Variants in SLC39A10 observed in about 807,000 individuals in gnomAD.
The protein encoded by SLC39A10 is solute carrier family 39 member 10.
SLC39A10 carries 13 observed loss-of-function variants against 65.1 expected under a neutral mutation model. The ratio of observed to expected loss-of-function variants is 0.20; its 90% CI spans 0.13 to 0.32. SLC39A10 has a LOEUF of 0.32. SLC39A10 is among the 10% of genes least tolerant of loss of function. SLC39A10 has a pLI of 1.00. For synonymous variants in SLC39A10, 321 were observed against 342.2 expected (o/e 0.94, Z 0.68); for missense variants, 831 against 1,018.4 (o/e 0.82, Z 2.50).
In SLC39A10 at chr2:195,737,365, T is replaced by TCA. The variant is rs1553509558; in HGVS notation, c.*2324_*2325insCA. On this transcript the variant is annotated 3_prime_UTR_variant, in exon 10 of 10. Coordinates refer to ENST00000359634, the MANE Select transcript of SLC39A10 (RefSeq NM_020342.3). ...TGACATCCATATGAATTTTGGTATATATCAATCAATCAATCAATCACATTG... is the reference window on the plus strand; with the variant it reads ...TGACATCCATATGAATTTTGGTATATCAATCAATCAATCAATCAATCACATTG... 74 of 152,532 alleles carry TCA rather than the reference T, an allele frequency of 4.9e-4. No individual in the cohort carries two copies. The highest frequency in any genetic ancestry group is 8.5e-4 in the Non-Finnish European group (58 of 68,530). 9.4% of individuals were successfully genotyped at this position (152,532 alleles called of 1,614,324 possible).
intron 3 of SLC39A10, among the ~76,000 whole-genome samples, chr2:195,690,031 G>A (rs559635909): frequency 6.6e-6 from 1 of 151,994 alleles, no homozygotes; most frequent in African/African-American, 2.4e-5. Context: ...ACAAAAATTA[G>A]CTGGATGTGG....
At chr2:195,622,206 A>T (rs1688362356) in intron 2 of SLC39A10, among the ~76,000 whole-genome samples, 1 of 152,050 alleles carries the variant, frequency 6.6e-6, no homozygotes, top group African/African-American at 2.4e-5. Context: ...TCTCTACAAA[A>T]AATACAAAAA....
At chr2:195,663,474 T>C (rs1438997638) in intron 1 of SLC39A10, among the ~76,000 whole-genome samples, 1 of 151,778 alleles carries the variant, frequency 6.6e-6, no homozygotes, top group African/African-American at 2.4e-5. Context: ...GTTACTACAT[T>C]ATAAAATGAG....
Position 195,728,293 on chromosome 2 carries a change from C to G in SLC39A10, c.2281C>G (p.Leu761Val). 1 of 1,614,034 alleles carries G rather than the reference C, an allele frequency of 6.2e-7. No homozygotes were observed. Among genetic ancestry groups the G allele is most frequent in the Non-Finnish European group, 8.5e-7 (1 of 1,179,914 alleles). ...TGGTCAGTATGCCAATAACATCACA[C>G]TTTGGATCTTTGCAGTCACTGCAGG... ...AVGQYANNITLWIFAVTAGMF... is the reference protein window; with the variant it reads ...AVGQYANNITVWIFAVTAGMF... The change falls in exon 9 of 10, where the codon CTT (leucine) becomes GTT (valine). Residue 761 changes from leucine to valine, a missense_variant. By Grantham distance (32) the Leu-to-Val change is conservative. Coordinates refer to ENST00000359634, the MANE Select transcript of SLC39A10 (RefSeq NM_020342.3). The surrounding 1 kb of genome is among the most constrained non-coding windows in gnomAD (Gnocchi z 4.4).
intron 1 of SLC39A10, among the ~76,000 whole-genome samples, chr2:195,658,938 CAG>C (rs1317177763): frequency 2.6e-5 from 4 of 152,160 alleles, no homozygotes; most frequent in Non-Finnish European, 5.9e-5. Context: ...AGAATTGCAA[CAG>C]AAACCAGTTA....
At chr2:195,691,362 T>C (rs889182695) in intron 3 of SLC39A10, among the ~76,000 whole-genome samples, 2 of 152,198 alleles carry the variant, frequency 1.3e-5, no homozygotes, top group South Asian at 2.1e-4. Flanking sequence ...TGACTTTTTT[T>C]CCCCTGGGTA....
At chr2:195,700,948 C>T (rs1364729209) in intron 3 of SLC39A10, among the ~76,000 whole-genome samples, 3 of 151,950 alleles carry the variant, frequency 2.0e-5, no homozygotes, top group Non-Finnish European at 4.4e-5. Flanking sequence ...TATATTCATG[C>T]CCTTCATCAA....
chr2:195,629,114 C>T (rs1440338515), intron 2 of SLC39A10, among the ~76,000 whole-genome samples: 2 of 152,120 alleles, frequency 1.3e-5, no homozygotes, highest in South Asian at 2.1e-4. Flanking sequence ...CCTTGCCGGG[C>T]ACGGTGGCTT....
chr2:195,672,733 T>C (rs1481896730), intron 1 of SLC39A10, among the ~76,000 whole-genome samples: 1 of 152,210 alleles, frequency 6.6e-6, no homozygotes, highest in African/African-American at 2.4e-5. Context: ...TGATGATGTC[T>C]GATCAATATA....
chr2:195,654,202 G>A (rs1689101887), upstream of SLC39A10, among the ~76,000 whole-genome samples: 1 of 152,132 alleles, frequency 6.6e-6, no homozygotes, highest in Non-Finnish European at 1.5e-5. Flanking sequence ...GCCTCCCGAA[G>A]TGCTGGGATT....
rs1181866173 is a variant in SLC39A10 at position 195,680,348 on chromosome 2, G to A, written c.306G>A (p.Glu102=). Residue 102 remains glutamate (E), a synonymous_variant, in exon 2 of 10, where the codon GAG becomes GAA. Transcript: ENST00000359634. ...GERKVVEINH[E]DLGHDHVSHL... is the part of the protein sequence containing the mutation. ...GAAAAGTAGTTGAGATTAATCATGA[G>A]GATCTTGGCCACGATCATGTTTCTC... is the stretch of plus-strand genomic sequence containing the variant. The A allele has an allele frequency of 2.5e-6, 4 of 1,614,012 alleles. No individual in the cohort carries two copies. Among genetic ancestry groups the A allele is most frequent in the Non-Finnish European group, 2.5e-6 (3 of 1,180,044 alleles).
At chr2:195,626,939 G>A (rs114070426) in intron 2 of SLC39A10, among the ~76,000 whole-genome samples, 153 of 152,214 alleles carry the variant, frequency 1.0e-3, no homozygotes, top group African/African-American at 3.6e-3. Flanking sequence ...CTGGAGATAC[G>A]GTTTCTCTCC....
intron 2 of SLC39A10, among the ~76,000 whole-genome samples, chr2:195,617,438 T>C (rs1307501431): frequency 6.6e-6 from 1 of 152,020 alleles, no homozygotes; most frequent in Non-Finnish European, 1.5e-5. Flanking sequence ...GGCACGCACC[T>C]GTAGTCCCAG....
intron 2 of SLC39A10, among the ~76,000 whole-genome samples, chr2:195,639,699 C>G (rs1039582646): frequency 6.6e-6 from 1 of 152,144 alleles, no homozygotes; most frequent in Non-Finnish European, 1.5e-5. Flanking sequence ...TTCTCAACCT[C>G]CCGAGTAGCT....
At position 195,734,410 on chromosome 2, in the gene SLC39A10, C is replaced by G. The variant is rs982239020; in HGVS notation, c.2338-473C>G. Among the ~76,000 whole-genome samples, 10 of 152,290 alleles carry G rather than the reference C, an allele frequency of 6.6e-5. No individual in the cohort carries two copies. In the East Asian group the frequency reaches 1.9e-3, roughly 29 times the overall value. ...ACTCCTGACCCCATGATCCGCCCAC[C>G]TCGGCCTTCCAAAGTGCTGGGATTT... On this transcript the variant is annotated intron_variant, in intron 9 of 9. Transcript: ENST00000359634.
At chr2:195,691,775 G>A (rs184875565) in intron 3 of SLC39A10, among the ~76,000 whole-genome samples, 1 of 152,242 alleles carries the variant, frequency 6.6e-6, no homozygotes, top group East Asian at 1.9e-4. Flanking sequence ...GTTCCTTGTC[G>A]GATGCATAGA....
At chr2:195,675,786 A>G (rs1690061745) in intron 1 of SLC39A10, among the ~76,000 whole-genome samples, 1 of 152,174 alleles carries the variant, frequency 6.6e-6, no homozygotes, top group Non-Finnish European at 1.5e-5. Context: ...GGTAATTAAA[A>G]TGGAACTTGG....
intron 2 of SLC39A10, among the ~76,000 whole-genome samples, chr2:195,683,445 C>G (rs1024398164): frequency 6.6e-6 from 1 of 151,942 alleles, no homozygotes; most frequent in Non-Finnish European, 1.5e-5. Context: ...TCATCCTTAT[C>G]CATGACAGAA....
chr2:195,648,061 T>C (rs749389283), intron 2 of SLC39A10, among the ~76,000 whole-genome samples: 13 of 152,322 alleles, frequency 8.5e-5, no homozygotes, highest in Non-Finnish European at 1.5e-4. Context: ...GACAAAATCA[T>C]GGCTCACTGC....
Sources: allele counts gnomAD v4.1 joint callset (sites outside exome capture counted in the v4.1 genomes callset), GRCh38; gene constraint gnomAD v4.1.1; non-coding constraint Gnocchi (gnomAD v3.1); transcripts MANE v1.5; gene names NCBI Gene and HGNC (gene_info 2026-07-23, HGNC 2026-07-21).